The following CDC14A variants were observed in gnomAD, a reference collection of about 807,000 sequenced individuals.
The protein encoded by CDC14A is cell division cycle 14A.
In CDC14A, 53 loss-of-function variants were observed where a neutral mutation model predicts 74.4. The ratio of observed to expected loss-of-function variants is 0.71; its 90% CI spans 0.57 to 0.89. CDC14A has a LOEUF of 0.89. CDC14A is among the 40% of genes least tolerant of loss of function. CDC14A has a pLI of 0.00. For missense variants in CDC14A, 646 were observed against 713.7 expected (o/e 0.91, Z 1.08); for synonymous variants, 247 against 258.4 (o/e 0.96, Z 0.43).
At chr1:100,431,326 G>A (rs527899694) in intron 5 of CDC14A, among the ~76,000 whole-genome samples, 1 of 151,724 alleles carries the variant, frequency 6.6e-6, no homozygotes, top group Admixed American at 6.6e-5. Context: ...TACCTTTAGG[G>A]TTCCAGATCA....
At chr1:100,502,494 G>GTTTGTATAA (rs1648850142) in intron 15 of CDC14A, among the ~76,000 whole-genome samples, 1 of 152,166 alleles carries the variant, frequency 6.6e-6, no homozygotes, top group Admixed American at 6.5e-5. Flanking sequence ...CTACCATCTA[G>GTTTGTATAA]GTTTGTATAA....
chr1:100,385,012 A>T (rs556700091), intron 3 of CDC14A, among the ~76,000 whole-genome samples: 2 of 152,232 alleles, frequency 1.3e-5, no homozygotes, highest in African/African-American at 2.4e-5. Context: ...CTAAGGTGTT[A>T]TCACCTGGAA....
At position 100,453,186 on chromosome 1, in the gene CDC14A, T is replaced by G. The variant is rs191922617; in HGVS notation, c.520-2219T>G. ...AGGAGGATTTGCAAACATATTCTTT[T>G]GGTTCTGTGAATGAATGTATCTTAG... On this transcript the variant is annotated intron_variant, in intron 7 of 15. Coordinates refer to ENST00000336454, the MANE Select transcript of CDC14A (RefSeq NM_003672.4). Among the ~76,000 whole-genome samples the G allele has an allele frequency of 1.4e-3, 209 of 152,270 alleles. 2 individuals are homozygous for G. The highest frequency in any genetic ancestry group is 5.0e-3 in the African/African-American group (207 of 41,538).
rs1011897237 is a variant in CDC14A, at chr1:100,430,268, A to T, written c.389+5967A>T. 4.6e-5 allele frequency among the ~76,000 whole-genome samples: 7 copies of T among 152,348 alleles called. No individual in the cohort carries two copies. In the East Asian group the frequency reaches 1.4e-3, roughly 29 times the overall value. ...TCATGGTATTTTATTTAATGTGAACAGGAATATCCAAGTTTTCTTGCTGTT... is the reference window on the plus strand; with the variant it reads ...TCATGGTATTTTATTTAATGTGAACTGGAATATCCAAGTTTTCTTGCTGTT... On this transcript the variant is annotated intron_variant, in intron 5 of 15. Coordinates refer to ENST00000336454, the MANE Select transcript of CDC14A (RefSeq NM_003672.4).
At chr1:100,416,424 G>A (rs1661533106) in intron 4 of CDC14A, among the ~76,000 whole-genome samples, 1 of 152,182 alleles carries the variant, frequency 6.6e-6, no homozygotes, top group South Asian at 2.1e-4. Flanking sequence ...GTAAAGCAGG[G>A]ACCAGTGGCA....
chr1:100,459,446 A>C (rs1179623112), intron 8 of CDC14A, among the ~76,000 whole-genome samples: 1 of 152,196 alleles, frequency 6.6e-6, no homozygotes, highest in East Asian at 1.9e-4. Flanking sequence ...AGCAGGTATT[A>C]TGGTTACATT....
intron 4 of CDC14A, among the ~76,000 whole-genome samples, chr1:100,422,939 C>A (rs1662533834): frequency 6.6e-6 from 1 of 152,056 alleles, no homozygotes; most frequent in Admixed American, 6.6e-5. Context: ...CTGTTAAGAA[C>A]CAAGACTCTG....
chr1:100,464,671 G>A (rs968466957), intron 9 of CDC14A, among the ~76,000 whole-genome samples: 1 of 152,034 alleles, frequency 6.6e-6, no homozygotes, highest in Admixed American at 6.6e-5. Flanking sequence ...TTACTACGTC[G>A]TAGAGTTTAT....
At position 100,456,994 on chromosome 1, in the gene CDC14A, A is replaced by T. The variant is rs1666766643; in HGVS notation, c.607+1502A>T. On this transcript the variant is annotated intron_variant, in intron 8 of 15. Transcript: ENST00000336454. ...AATTACATGTTGAGAGCCTGAGGAAACTGCTTTCTGACAATTGGCCTTTCA... is the reference window on the plus strand; with the variant it reads ...AATTACATGTTGAGAGCCTGAGGAATCTGCTTTCTGACAATTGGCCTTTCA... 2.0e-5 allele frequency among the ~76,000 whole-genome samples: 3 copies of T among 152,332 alleles called. No individual in the cohort carries two copies. In the South Asian group the frequency reaches 6.2e-4, roughly 32 times the overall value.
At chr1:100,392,575 G>A (rs2100991854) in intron 4 of CDC14A, among the ~76,000 whole-genome samples, 2 of 152,224 alleles carry the variant, frequency 1.3e-5, no homozygotes, top group South Asian at 4.1e-4. Flanking sequence ...TATCTATGAT[G>A]ATGATGGTAA....
chr1:100,492,018 GGGGA>G (rs1670756879), intron 11 of CDC14A, among the ~76,000 whole-genome samples: 1 of 152,004 alleles, frequency 6.6e-6, no homozygotes, highest in Admixed American at 6.6e-5. Flanking sequence ...GTAAACTTGA[GGGGA>G]GGAAGTAAAA....
Position 100,420,540 on chromosome 1 carries a change from C to T in CDC14A, c.310-3682C>T, listed in dbSNP as rs949668005. Among the ~76,000 whole-genome samples the T allele has an allele frequency of 1.1e-4, 17 of 152,064 alleles. No homozygotes were observed. The South Asian group carries it at 2.1e-3, about 19-fold the overall frequency. ...TTGATATTTGTTACATTGTTTCTCA[C>T]GGTGTAGTAAACACAAATATTTAAA... On this transcript the variant is annotated intron_variant, in intron 4 of 15. Transcript: ENST00000336454.
chr1:100,408,562 C>A (rs1278257130), intron 4 of CDC14A, among the ~76,000 whole-genome samples: 5 of 152,242 alleles, frequency 3.3e-5, no homozygotes, highest in Non-Finnish European at 5.9e-5. Flanking sequence ...CTTTTCTCTG[C>A]AGCCTCACCA....
intron 5 of CDC14A, among the ~76,000 whole-genome samples, chr1:100,428,472 T>C (rs1428446576): frequency 6.6e-6 from 1 of 152,216 alleles, no homozygotes; most frequent in Non-Finnish European, 1.5e-5. Flanking sequence ...ACAAGAGGCC[T>C]TTCAGTTCTG....
At chr1:100,428,540 C>G (rs74320375) in intron 5 of CDC14A, among the ~76,000 whole-genome samples, 1,942 of 152,234 alleles carry the variant, frequency 0.013, 19 homozygotes, top group Non-Finnish European at 0.022. Context: ...TTTAGGTTCT[C>G]TTCCTTTCAG....
At chr1:100,426,786 A>G (rs1484396416) in intron 5 of CDC14A, among the ~76,000 whole-genome samples, 1 of 152,200 alleles carries the variant, frequency 6.6e-6, no homozygotes, top group Non-Finnish European at 1.5e-5. Flanking sequence ...ATGCCTTTGA[A>G]TGTAACTCTA....
intron 9 of CDC14A, among the ~76,000 whole-genome samples, chr1:100,463,182 C>CCTTT (rs944127120): frequency 3.7e-4 from 56 of 152,232 alleles, no homozygotes; most frequent in African/African-American, 1.3e-3. Flanking sequence ...TGCAGGAACA[C>CCTTT]CTTTAAACAG....
upstream of CDC14A, among the ~76,000 whole-genome samples, chr1:100,350,207 G>A (rs774182514): frequency 1.3e-5 from 2 of 151,882 alleles, no homozygotes; most frequent in East Asian, 1.9e-4. Context: ...CACCTGCCTC[G>A]GCCTCCCCAA....
chr1:100,438,858 C>A (rs1199828007), intron 5 of CDC14A, among the ~76,000 whole-genome samples: 1 of 152,194 alleles, frequency 6.6e-6, no homozygotes, highest in East Asian at 1.9e-4. Context: ...GGTCTATTCT[C>A]CCCTTGGAAC....
Sources: allele counts gnomAD v4.1 joint callset (sites outside exome capture counted in the v4.1 genomes callset), GRCh38; gene constraint gnomAD v4.1.1; transcripts MANE v1.5; gene names NCBI Gene and HGNC (gene_info 2026-07-23, HGNC 2026-07-21).